Variants in ZFHX3 observed in about 807,000 individuals in gnomAD.
ZFHX3 encodes the protein zinc finger homeobox 3, also known as zinc finger homeobox protein 3.
Under a neutral mutation model 279.1 loss-of-function variants are expected in ZFHX3, and 42 were observed. The observed-to-expected ratio is 0.15, with a 90% CI of 0.12 to 0.19. The LOEUF (loss-of-function observed/expected upper bound fraction) is 0.19, where lower values mean the gene tolerates loss of function less well. Ranked by LOEUF, ZFHX3 falls within the 10% of genes least tolerant of loss-of-function variation. The pLI, the probability that ZFHX3 is intolerant of heterozygous loss-of-function variation, is 1.00. For synonymous variants in ZFHX3, 2,293 were observed against 1,957.8 expected (o/e 1.17, Z -4.52); for missense variants, 4,981 against 4,754.0 (o/e 1.05, Z -1.40).
chr16:73,287,848 C>CTGTGTGGGTTGCTGTGTGAG (rs375487966), intron 4 of ZFHX3, among the ~76,000 whole-genome samples: 1 of 142,258 alleles, frequency 7.0e-6, no homozygotes, highest in Non-Finnish European at 1.5e-5. Flanking sequence ...TGGTGAGTGG[C>CTGTGTGGGTTGCTGTGTGAG]TGTGTGGGTC....
At chr16:73,694,518 A>C (rs2142210442) in intron 1 of ZFHX3, among the ~76,000 whole-genome samples, 1 of 151,764 alleles carries the variant, frequency 6.6e-6, no homozygotes, top group South Asian at 2.1e-4. Context: ...TAATTTTTGT[A>C]TTTTTAGTAG....
intron 1 of ZFHX3, among the ~76,000 whole-genome samples, chr16:73,044,505 A>G (rs1311903492): frequency 1.3e-5 from 2 of 152,230 alleles, no homozygotes; most frequent in Non-Finnish European, 2.9e-5. Context: ...TGGAGTTTAT[A>G]TAAGTTTGTT....
intron 1 of ZFHX3, among the ~76,000 whole-genome samples, chr16:73,709,196 A>G (rs1254935094): frequency 6.6e-6 from 1 of 152,138 alleles, no homozygotes; most frequent in Non-Finnish European, 1.5e-5. Context: ...CAAGACCCTC[A>G]TCACTACAGA....
intron 1 of ZFHX3, among the ~76,000 whole-genome samples, chr16:73,778,775 G>C (rs1008066817): frequency 6.6e-6 from 1 of 152,172 alleles, no homozygotes; most frequent in Middle Eastern, 3.2e-3. Flanking sequence ...ATGCAGGATT[G>C]CTGGCTCCAA....
chr16:73,666,038 G>C (rs562060464), intron 2 of ZFHX3, among the ~76,000 whole-genome samples: 1 of 151,356 alleles, frequency 6.6e-6, no homozygotes, highest in African/African-American at 2.4e-5. Context: ...GTATGGTCTC[G>C]ATCTCCTGAC....
chr16:72,980,568 G>C (rs892136555), intron 1 of ZFHX3, among the ~76,000 whole-genome samples: 13 of 151,082 alleles, frequency 8.6e-5, no homozygotes, highest in African/African-American at 2.9e-4. Flanking sequence ...AGACCAGCCC[G>C]GGCAACAAGG....
intron 1 of ZFHX3, among the ~76,000 whole-genome samples, chr16:73,775,987 G>T (rs1959234439): frequency 6.6e-6 from 1 of 152,130 alleles, no homozygotes; most frequent in Non-Finnish European, 1.5e-5. Context: ...AAACCAACTG[G>T]CAAAAGGTAC....
At chr16:73,172,196 C>T (rs1251793418) in intron 5 of ZFHX3, among the ~76,000 whole-genome samples, 1 of 152,188 alleles carries the variant, frequency 6.6e-6, no homozygotes, top group Non-Finnish European at 1.5e-5. Context: ...GACACCCGAG[C>T]CCAAGCCTCC....
chr16:73,115,784 G>T (rs1296160445), intron 7 of ZFHX3, among the ~76,000 whole-genome samples: 1 of 152,144 alleles, frequency 6.6e-6, no homozygotes, highest in Non-Finnish European at 1.5e-5. Flanking sequence ...CACATTGTTT[G>T]TGATGGAGCC....
chr16:73,493,012 A>T (rs1253692113), intron 2 of ZFHX3, among the ~76,000 whole-genome samples: 1 of 152,226 alleles, frequency 6.6e-6, no homozygotes, highest in Non-Finnish European at 1.5e-5. Flanking sequence ...ATATACTGTC[A>T]TAAAAGAAAT....
At chr16:73,135,795 C>T (rs563601811) in intron 6 of ZFHX3, among the ~76,000 whole-genome samples, 1 of 152,024 alleles carries the variant, frequency 6.6e-6, no homozygotes, top group Non-Finnish European at 1.5e-5. Context: ...TTAGGCTGGG[C>T]ATGGTTTCCA....
At chr16:73,815,074 G>A (rs1365259279) in intron 1 of ZFHX3, among the ~76,000 whole-genome samples, 3 of 152,282 alleles carry the variant, frequency 2.0e-5, no homozygotes, top group South Asian at 2.1e-4. Context: ...GTAACTTACG[G>A]ATGTAAACAT....
At chr16:73,040,490 G>T (rs1407131877) in intron 1 of ZFHX3, among the ~76,000 whole-genome samples, 1 of 152,080 alleles carries the variant, frequency 6.6e-6, no homozygotes, top group African/African-American at 2.4e-5. Context: ...GCCTCTCTAG[G>T]TGGGTCATTG....
chr16:72,797,492 T>C lies in ZFHX3; in HGVS notation c.5190A>G (p.Gln1730=), dbSNP rs916647216. The change falls in exon 9 of 10, where the codon CAA becomes CAG. Residue 1730 remains glutamine, a synonymous_variant. Transcript: ENST00000268489. ...ASRQQQQQQQ[Q]QQQQQQQQQQ... The stretch of plus-strand genomic sequence containing the variant: ...GTTGTTGTTGTTGTTGTTGTTGCTG[T>C]TGCTGCTGCTGTTGTTGCTGCTGCC... The C allele has an allele frequency of 3.1e-5, 50 of 1,610,210 alleles. No homozygotes were observed. The highest frequency in any genetic ancestry group is 6.7e-5 in the Admixed American group (4 of 59,776).
chr16:73,083,785 C>T (rs551335378), intron 8 of ZFHX3, among the ~76,000 whole-genome samples: 24 of 152,298 alleles, frequency 1.6e-4, no homozygotes, highest in Admixed American at 8.5e-4. Flanking sequence ...CCGCCTCAGC[C>T]TCCCAAGTGC....
At chr16:72,823,977 C>T (rs2036867495) in intron 5 of ZFHX3, among the ~76,000 whole-genome samples, 1 of 152,140 alleles carries the variant, frequency 6.6e-6, no homozygotes, top group Non-Finnish European at 1.5e-5. Context: ...TTTTTCAGCC[C>T]CTTTCCATTC....
At chr16:73,652,698 T>C (rs1211964034) in intron 2 of ZFHX3, among the ~76,000 whole-genome samples, 1 of 152,182 alleles carries the variant, frequency 6.6e-6, no homozygotes, top group African/African-American at 2.4e-5. Flanking sequence ...AGAAAGTGTC[T>C]GGAGAAACTG....
chr16:72,791,281 C>A (rs1166109295), intron 9 of ZFHX3: 1 of 152,218 alleles, frequency 6.6e-6, no homozygotes, highest in African/African-American at 2.4e-5. Flanking sequence ...TTAATAAACA[C>A]AAGTTTGTTC....
At chr16:73,807,083 C>G (rs1281636965) in intron 1 of ZFHX3, among the ~76,000 whole-genome samples, 1 of 152,160 alleles carries the variant, frequency 6.6e-6, no homozygotes, top group Non-Finnish European at 1.5e-5. Flanking sequence ...TACAAAGAAG[C>G]ACTGTGAATT....
Sources: gnomAD v4.1 joint callset for allele counts (sites outside exome capture counted in the v4.1 genomes callset) on GRCh38, gnomAD v4.1.1 for gene constraint, MANE v1.5 for transcripts, NCBI Gene and HGNC (gene_info 2026-07-23, HGNC 2026-07-21) for gene names.